The following SOX5 variants were observed in gnomAD, a reference collection of about 807,000 sequenced individuals.
SOX5 encodes transcription factor SOX-5.
A neutral mutation model predicts 92.0 loss-of-function variants in SOX5; 9 were observed. The ratio of observed to expected loss-of-function variants is 0.10; its 90% CI spans 0.06 to 0.17. The LOEUF is 0.17. SOX5 is among the 10% of genes least tolerant of loss of function. SOX5 has a pLI of 1.00. For synonymous variants in SOX5, 344 were observed against 336.3 expected (o/e 1.02, Z -0.25); for missense variants, 642 against 944.5 (o/e 0.68, Z 4.20).
intron 2 of SOX5, among the ~76,000 whole-genome samples, chr12:24,303,680 T>C (rs1948248351): frequency 6.6e-6 from 1 of 152,212 alleles, no homozygotes; most frequent in South Asian, 2.1e-4. Context: ...CAGTGCTCAG[T>C]AACACATCAC....
rs1951048004 is a variant in SOX5 at position 23,588,427 on chromosome 12, TC to T, written c.1165-12590del. Among the ~76,000 whole-genome samples the T allele has an allele frequency of 3.3e-5, 5 of 152,050 alleles. No individual in the cohort carries two copies. The South Asian group carries it at 1.0e-3, about 31-fold the overall frequency. On this transcript the variant is annotated intron_variant, in intron 9 of 14. Coordinates refer to ENST00000451604, the MANE Select transcript of SOX5 (RefSeq NM_006940.6). ...TATCAGATATTCATTTAAGAAATAG[TC>T]CATTAAAATAATTAATGTGTAGTGA...
rs912223659 is a variant in SOX5, at chr12:23,909,702, A to G, written c.39-13678T>C. 2.6e-5 allele frequency among the ~76,000 whole-genome samples: 4 copies of G among 152,276 alleles called. No individual in the cohort carries two copies. In the South Asian group the frequency reaches 6.2e-4, roughly 24 times the overall value. Reference sequence around the variant, plus strand: ...GTCAAAGAACATAGTTAAGGGATGGATAAAACAGGGAGGGGTGTCTAACAT... The same window carrying G: ...GTCAAAGAACATAGTTAAGGGATGGGTAAAACAGGGAGGGGTGTCTAACAT... On this transcript the variant is annotated intron_variant, in intron 1 of 14. Coordinates refer to ENST00000451604, the MANE Select transcript of SOX5 (RefSeq NM_006940.6).
At chr12:23,610,569 T>C (rs2075829304) in intron 8 of SOX5, among the ~76,000 whole-genome samples, 1 of 152,138 alleles carries the variant, frequency 6.6e-6, no homozygotes, top group African/African-American at 2.4e-5. Flanking sequence ...AGATCTCTTG[T>C]ACATATTTAA....
chr12:23,887,908 A>AGTGTGTGTGT (rs1169542903), intron 2 of SOX5, among the ~76,000 whole-genome samples: 4,440 of 105,864 alleles, frequency 0.042, 94 homozygotes, highest in Admixed American at 0.079. Flanking sequence ...TAATTGGTCC[A>AGTGTGTGTGT]GTGTGTATAT....
intron 3 of SOX5, among the ~76,000 whole-genome samples, chr12:23,838,063 T>G (rs2096455769): frequency 1.2e-5 from 1 of 85,760 alleles, no homozygotes; most frequent in South Asian, 3.1e-4. Flanking sequence ...TTTATACTTA[T>G]ATATATTATA....
chr12:23,535,664 G>C (rs1386580930), intron 14 of SOX5, among the ~76,000 whole-genome samples: 1 of 152,170 alleles, frequency 6.6e-6, no homozygotes, highest in African/African-American at 2.4e-5. Flanking sequence ...CAGACCACTG[G>C]ACAGAGCATG....
intron 4 of SOX5, among the ~76,000 whole-genome samples, chr12:24,037,850 C>T (rs575544697): frequency 1.3e-5 from 2 of 152,272 alleles, no homozygotes; most frequent in South Asian, 2.1e-4. Context: ...TTAACTTGCA[C>T]TACATGCTGG....
intron 3 of SOX5, among the ~76,000 whole-genome samples, chr12:23,833,074 TC>T (rs1471768431): frequency 3.9e-5 from 6 of 151,912 alleles, no homozygotes; most frequent in African/African-American, 1.5e-4. Context: ...GTGGATTATC[TC>T]CCCAAAAATG....
intron 2 of SOX5, among the ~76,000 whole-genome samples, chr12:24,364,228 A>G (rs543083787): frequency 6.6e-6 from 1 of 151,966 alleles, no homozygotes; most frequent in South Asian, 2.1e-4. Context: ...TCTCAATGAA[A>G]CTCATTCTGC....
chr12:24,504,967 G>A (rs1948579978), intron 1 of SOX5, among the ~76,000 whole-genome samples: 1 of 152,100 alleles, frequency 6.6e-6, no homozygotes, highest in Non-Finnish European at 1.5e-5. Flanking sequence ...ACTCAATCCT[G>A]GGGTTTGCAA....
At chr12:24,506,853 C>T (rs1285368594) in intron 1 of SOX5, among the ~76,000 whole-genome samples, 12 of 125,430 alleles carry the variant, frequency 9.6e-5, no homozygotes, top group African/African-American at 3.1e-4. Flanking sequence ...TGCAGTGGCG[C>T]GATCTCGGCT....
At position 24,541,659 on chromosome 12, in the gene SOX5, CTTG is replaced by C. The variant is rs79003284; in HGVS notation, c.-251+20667_-251+20669del. ...GACTCACAGGGATAAAATAAACACA[CTTG>C]TTGTCCTTTCAAAGAAAGTCAATAG... On this transcript the variant is annotated intron_variant, in intron 1 of 4. Transcript: ENST00000446891. 5.0e-3 allele frequency among the ~76,000 whole-genome samples: 767 copies of C among 152,266 alleles called. 2 individuals are homozygous for C. The highest frequency in any genetic ancestry group is 7.5e-3 in the Non-Finnish European group (510 of 68,004).
At chr12:23,573,203 A>G (rs916302363) in intron 10 of SOX5, among the ~76,000 whole-genome samples, 7 of 152,072 alleles carry the variant, frequency 4.6e-5, no homozygotes, top group Non-Finnish European at 1.0e-4. Flanking sequence ...ACATATTCCT[A>G]TTTTAAAACC....
At chr12:24,074,539 TACCCAA>T (rs2137491728) in intron 4 of SOX5, among the ~76,000 whole-genome samples, 1 of 142,120 alleles carries the variant, frequency 7.0e-6, no homozygotes, top group East Asian at 2.1e-4. Context: ...CTAATGTTTA[TACCCAA>T]ACAGTACATC....
chr12:24,300,691 C>T (rs535524897), intron 2 of SOX5, among the ~76,000 whole-genome samples: 1 of 152,270 alleles, frequency 6.6e-6, no homozygotes, highest in African/African-American at 2.4e-5. Flanking sequence ...AATTTTCATA[C>T]TTTGAGTCTT....
intron 1 of SOX5, among the ~76,000 whole-genome samples, chr12:24,523,086 T>C (rs1337516464): frequency 1.3e-5 from 2 of 151,904 alleles, no homozygotes; most frequent in African/African-American, 2.4e-5. Flanking sequence ...AAAATCAACA[T>C]ACAAAAATTG....
At chr12:23,931,357 T>C (rs143021373) in intron 1 of SOX5, among the ~76,000 whole-genome samples, 50 of 151,854 alleles carry the variant, frequency 3.3e-4, no homozygotes, top group Non-Finnish European at 5.9e-4. Context: ...TCAGAGAGGT[T>C]AAGTAACTAG....
At chr12:23,859,272 T>C (rs2096728005) in intron 2 of SOX5, among the ~76,000 whole-genome samples, 1 of 152,168 alleles carries the variant, frequency 6.6e-6, no homozygotes, top group Non-Finnish European at 1.5e-5. Flanking sequence ...GAATTCTTTT[T>C]CCAGCAAGGA....
At chr12:23,838,849 G>T (rs1246989507) in intron 3 of SOX5, among the ~76,000 whole-genome samples, 6 of 105,684 alleles carry the variant, frequency 5.7e-5, no homozygotes, top group Non-Finnish European at 1.2e-4. Flanking sequence ...TTTTTGGGGG[G>T]GGGGGGCGGG....
Sources: gnomAD v4.1 joint callset for allele counts (sites outside exome capture counted in the v4.1 genomes callset) on GRCh38, gnomAD v4.1.1 for gene constraint, MANE v1.5 for transcripts, NCBI Gene and HGNC (gene_info 2026-07-23, HGNC 2026-07-21) for gene names.